The following UNK variants were observed in gnomAD, a reference collection of about 807,000 sequenced individuals.
UNK encodes the protein unk zinc finger.
UNK carries 32 observed loss-of-function variants against 97.6 expected under a neutral mutation model. The observed-to-expected ratio is 0.33, with a 90% CI of 0.25 to 0.44. The LOEUF is 0.44. Among genes scored for constraint, UNK ranks in the 20% least tolerant of loss-of-function variants. The probability of loss-of-function intolerance (pLI) is 1.00; values close to 1 mark genes in which losing one functional copy is unlikely to be tolerated. For missense variants in UNK, 771 were observed against 1,098.4 expected, an observed-to-expected ratio of 0.70 and a Z score of 4.21; for synonymous variants, 441 against 461.2, an observed-to-expected ratio of 0.96 and a Z score of 0.56.
At chr17:75,812,942 C>A in intron 4 of UNK, 136 bp from the exon 5 acceptor site, 1 of 1,267,234 alleles carries the variant, frequency 7.9e-7, no homozygotes, top group Non-Finnish European at 1.1e-6. Flanking sequence ...GAGGAGGGGC[C>A]CTACTCACAT....
intron 2 of UNK, among the ~76,000 whole-genome samples, chr17:75,810,997 C>G (rs1192753182): frequency 6.6e-6 from 1 of 151,558 alleles, no homozygotes; most frequent in Non-Finnish European, 1.5e-5. Context: ...GAATGGGCAC[C>G]TGCTTCCACT....
At chr17:75,815,083 G>C (rs2062005197) in intron 6 of UNK, 86 bp from the exon 7 acceptor site, 3 of 1,240,754 alleles carry the variant, frequency 2.4e-6, no homozygotes, top group Non-Finnish European at 2.3e-6. Flanking sequence ...AGATGACTAA[G>C]CCAGCGCACT....
rs780899512 is a variant in UNK, at chr17:75,823,320, C to T, written c.2075C>T (p.Ala692Val). 11 of 1,610,390 alleles carry T rather than the reference C, an allele frequency of 6.8e-6. No homozygotes were observed. The highest frequency in any genetic ancestry group is 2.2e-5 in the East Asian group (1 of 44,858). ...GAGGCTGGTGAGCGGGCCAGTGCGG[C>T]GGGCGCCGAGTGCGAGCTGGCCCGG... ...AEEAGERASA[A>V]GAECELAREQ... Residue 692 changes from alanine to valine, a missense_variant, in exon 15 of 16, where the codon GCG becomes GTG. Ala to Val is a moderately conservative substitution (Grantham distance 64, BLOSUM62 0). Coordinates refer to ENST00000589666, the MANE Select transcript of UNK (RefSeq NM_001080419.3).
chr17:75,803,752 C>G (rs549591613), intron 1 of UNK, among the ~76,000 whole-genome samples: 1 of 152,132 alleles, frequency 6.6e-6, no homozygotes, highest in Non-Finnish European at 1.5e-5. Context: ...TGCCCTGCCG[C>G]GCAGTAGTTT....
At chr17:75,790,926 C>T (rs1168216309) in intron 1 of UNK, among the ~76,000 whole-genome samples, 7 of 151,852 alleles carry the variant, frequency 4.6e-5, no homozygotes, top group Non-Finnish European at 7.4e-5. Context: ...GGCAACAGAG[C>T]GAGACTCTGG....
At chr17:75,799,662 G>A (rs2061838067) in intron 1 of UNK, among the ~76,000 whole-genome samples, 1 of 152,208 alleles carries the variant, frequency 6.6e-6, no homozygotes, top group African/African-American at 2.4e-5. Flanking sequence ...CGATGTGGCA[G>A]TGTACAAAAC....
intron 1 of UNK, chr17:75,793,857 T>C (rs921659840): frequency 3.0e-5 from 30 of 985,360 alleles, no homozygotes; most frequent in Non-Finnish European, 3.4e-5. Flanking sequence ...GAAGTAGTTA[T>C]GTTCTGTAAA....
chr17:75,793,377 TCACAA>T, intron 1 of UNK: 1 of 977,366 alleles, frequency 1.0e-6, no homozygotes, highest in Non-Finnish European at 1.2e-6. Context: ...GTTCAAGTAA[TCACAA>T]CAAACTTTTT....
intron 1 of UNK, among the ~76,000 whole-genome samples, chr17:75,789,424 C>T (rs2061742748): frequency 1.3e-5 from 2 of 152,114 alleles, no homozygotes; most frequent in Admixed American, 6.6e-5. Context: ...GCAAGCTCCG[C>T]CTCCTGGGTT....
At chr17:75,791,403 T>C (rs1470673329) in intron 1 of UNK, among the ~76,000 whole-genome samples, 1 of 152,252 alleles carries the variant, frequency 6.6e-6, no homozygotes, top group Admixed American at 6.5e-5. Flanking sequence ...CATGAACATG[T>C]ATTTAAGTCA....
In UNK at chr17:75,817,406, C is replaced by T. The variant is rs1355539704; in HGVS notation, c.1185C>T (p.Asn395=). The change falls in exon 9 of 16, where the codon AAC becomes AAT. Residue 395 remains asparagine (N), a synonymous_variant. Transcript: ENST00000589666. This position sits in a 1 kb window ranked among gnomAD's most constrained non-coding sequence, Gnocchi z 5.8. ...SPPGSIRKPP[N]LEGIVFPGES... ...CGGGCTCCATCAGGAAGCCCCCAAA[C>T]CTGGAGGGCATCGTCTTCCCTGGGG... 1 of 1,612,818 alleles carries T rather than the reference C, an allele frequency of 6.2e-7. No homozygotes were observed. Among genetic ancestry groups the T allele is most frequent in the South Asian group, 1.1e-5 (1 of 91,042 alleles).
In UNK at chr17:75,817,257, G is replaced by A. The variant is rs556138666; in HGVS notation, c.1105-69G>A. 2.4e-4 allele frequency: 356 copies of A among 1,461,820 alleles called. 6 individuals are homozygous for A. The African/African-American group carries it at 4.8e-3, about 20-fold the overall frequency. The allele number at this position is 1,461,820 out of a possible 1,614,324, so 90.6% of individuals were successfully genotyped here. On this transcript the variant is annotated intron_variant, in intron 8 of 15. Transcript: ENST00000589666. The surrounding 1 kb of genome is among the most constrained non-coding windows in gnomAD (Gnocchi z 5.8). ...CCCTTGAAGACTCCCTCTGGAGAGG[G>A]TGGAGGATGGGCCACGCACCAGCCT...
chr17:75,787,223 T>C (rs1214803385), intron 1 of UNK, among the ~76,000 whole-genome samples: 1 of 152,050 alleles, frequency 6.6e-6, no homozygotes, highest in Non-Finnish European at 1.5e-5. Context: ...ATTTTTCTTT[T>C]TCTTTTTTTT....
At chr17:75,814,401 A>T (rs2061998290) in intron 6 of UNK, among the ~76,000 whole-genome samples, 1 of 143,286 alleles carries the variant, frequency 7.0e-6, no homozygotes, top group African/African-American at 2.6e-5. Flanking sequence ...CTGAGGTGGG[A>T]GGATCGCTTG....
At chr17:75,811,985 A>G in intron 2 of UNK, 127 bp from the exon 3 acceptor site, 5 of 1,253,388 alleles carry the variant, frequency 4.0e-6, no homozygotes, top group Non-Finnish European at 5.4e-6. Flanking sequence ...ACTCCGTCTC[A>G]AAAACAAAAC....
At chr17:75,808,592 T>G (rs1391324972) in intron 1 of UNK, among the ~76,000 whole-genome samples, 1 of 152,106 alleles carries the variant, frequency 6.6e-6, no homozygotes, top group Non-Finnish European at 1.5e-5. Context: ...TCCCCCTTCC[T>G]CCTTCCTGCA....
intron 2 of UNK, among the ~76,000 whole-genome samples, chr17:75,810,843 C>T (rs1333749586): frequency 6.6e-6 from 1 of 152,150 alleles, no homozygotes; most frequent in Non-Finnish European, 1.5e-5. Flanking sequence ...ACCATGCTGA[C>T]CAGGCTAGTC....
At chr17:75,815,072 G>C in intron 6 of UNK, 97 bp from the exon 7 acceptor site, 2 of 1,105,208 alleles carry the variant, frequency 1.8e-6, no homozygotes, top group Non-Finnish European at 2.6e-6. Flanking sequence ...CACAGGGCAA[G>C]AGATGACTAA....
rs567571581 is a variant in UNK at position 75,787,406 on chromosome 17, A to ATGTT, written c.104+2423_104+2426dup. ...TTTTTTGTAGAGACGTGATTTTGCC[A>ATGTT]TGTTGCCCAGCCTAGTCTCGAACTC... On this transcript the variant is annotated intron_variant, in intron 1 of 15. Coordinates refer to ENST00000589666, the MANE Select transcript of UNK (RefSeq NM_001080419.3). Among the ~76,000 whole-genome samples, 405 of 151,522 alleles carry ATGTT rather than the reference A, an allele frequency of 2.7e-3. 3 individuals carry two copies. The highest frequency in any genetic ancestry group is 9.4e-3 in the African/African-American group (388 of 41,334).
Sources: allele counts gnomAD v4.1 joint callset (sites outside exome capture counted in the v4.1 genomes callset), GRCh38; gene constraint gnomAD v4.1.1; non-coding constraint Gnocchi (gnomAD v3.1); transcripts MANE v1.5; gene names NCBI Gene and HGNC (gene_info 2026-07-23, HGNC 2026-07-21).